NAALADL2: variants seen among roughly 807,000 people sequenced by gnomAD.
NAALADL2 encodes the protein N-acetylated alpha-linked acidic dipeptidase like 2, also known as inactive N-acetylated-alpha-linked acidic dipeptidase-like protein 2.
A neutral mutation model predicts 87.2 loss-of-function variants in NAALADL2; 76 were observed. That is an observed-to-expected ratio of 0.87 (90% confidence interval 0.72 to 1.05). The LOEUF is 1.05. Ranked by LOEUF, NAALADL2 falls within the 50% of genes least tolerant of loss-of-function variation. The pLI, the probability that NAALADL2 is intolerant of heterozygous loss-of-function variation, is 0.00. For synonymous variants in NAALADL2, 354 were observed against 331.0 expected (o/e 1.07, Z -0.75); for missense variants, 1,089 against 945.8 (o/e 1.15, Z -1.99).
chr3:174,921,333 A>G (rs1735153887), intron 1 of NAALADL2, among the ~76,000 whole-genome samples: 1 of 152,208 alleles, frequency 6.6e-6, no homozygotes, highest in Non-Finnish European at 1.5e-5. Flanking sequence ...TTACAACTAA[A>G]TCACTTAAAT....
At chr3:175,788,147 C>T (rs981674188) in intron 13 of NAALADL2, among the ~76,000 whole-genome samples, 3 of 141,322 alleles carry the variant, frequency 2.1e-5, no homozygotes, top group African/African-American at 5.4e-5. Context: ...GGCAGGAGTG[C>T]AAGTGGTATG....
chr3:174,451,866 T>G (rs1227041194), intron 1 of NAALADL2, among the ~76,000 whole-genome samples: 1 of 145,972 alleles, frequency 6.9e-6, no homozygotes, highest in Non-Finnish European at 1.5e-5. Flanking sequence ...TTTTTTTTTT[T>G]TTTTTTGAGT....
chr3:175,200,525 C>T (rs527317527), intron 2 of NAALADL2, among the ~76,000 whole-genome samples: 12 of 152,186 alleles, frequency 7.9e-5, no homozygotes, highest in South Asian at 2.1e-4. Context: ...GTTTCTAAAA[C>T]GCTCAATGTA....
intron 10 of NAALADL2, among the ~76,000 whole-genome samples, chr3:175,625,221 T>C: frequency 6.6e-6 from 1 of 152,030 alleles, no homozygotes; most frequent in Middle Eastern, 3.2e-3. Context: ...GTTACAGTTC[T>C]ATTTAAACTC....
chr3:174,944,621 T>C (rs1739132939), intron 1 of NAALADL2, among the ~76,000 whole-genome samples: 1 of 152,162 alleles, frequency 6.6e-6, no homozygotes, highest in Admixed American at 6.5e-5. Flanking sequence ...TGGTTGCAGA[T>C]TCTTTTGCCA....
At chr3:174,954,838 A>T (rs948588598) in intron 1 of NAALADL2, among the ~76,000 whole-genome samples, 1 of 152,104 alleles carries the variant, frequency 6.6e-6, no homozygotes, top group Non-Finnish European at 1.5e-5. Context: ...AGAGAAGTTC[A>T]TAAAACATTC....
At chr3:175,671,084 G>A (rs767654535) in intron 11 of NAALADL2, among the ~76,000 whole-genome samples, 1 of 151,372 alleles carries the variant, frequency 6.6e-6, no homozygotes, top group Non-Finnish European at 1.5e-5. Flanking sequence ...TCTCTCAAAG[G>A]ATACATTATT....
At chr3:175,738,601 C>T (rs1474226602) in intron 12 of NAALADL2, among the ~76,000 whole-genome samples, 1 of 152,128 alleles carries the variant, frequency 6.6e-6, no homozygotes, top group East Asian at 1.9e-4. Context: ...AGAGATTACT[C>T]CATTTTTCCC....
chr3:174,787,598 T>TATATATATATATATATACACAC (rs1716904000), intron 3 of NAALADL2, among the ~76,000 whole-genome samples: 4 of 60,176 alleles, frequency 6.6e-5, no homozygotes, highest in African/African-American at 1.2e-4. Context: ...TATATATATA[T>TATATATATATATATATACACAC]ATATATATAT....
intron 2 of NAALADL2, among the ~76,000 whole-genome samples, chr3:175,225,863 C>T (rs1581007554): frequency 6.6e-6 from 1 of 152,090 alleles, no homozygotes; most frequent in Middle Eastern, 3.4e-3. Flanking sequence ...TCACTGTTAA[C>T]CAGAGATGAA....
At chr3:174,960,888 T>C (rs1373731780) in intron 1 of NAALADL2, among the ~76,000 whole-genome samples, 3 of 151,512 alleles carry the variant, frequency 2.0e-5, no homozygotes, top group Non-Finnish European at 2.9e-5. Context: ...CACAAAAAAA[T>C]TTGCTGTGTG....
chr3:175,543,073 A>G (rs1286374215), intron 9 of NAALADL2, among the ~76,000 whole-genome samples: 1 of 152,180 alleles, frequency 6.6e-6, no homozygotes, highest in Non-Finnish European at 1.5e-5. Context: ...AATTTTATCC[A>G]GTTTCTATGA....
chr3:175,406,728 C>T (rs1450559954), intron 5 of NAALADL2, among the ~76,000 whole-genome samples: 1 of 151,864 alleles, frequency 6.6e-6, no homozygotes, highest in East Asian at 1.9e-4. Flanking sequence ...GCCTCTTTGT[C>T]TTTTATTTTT....
chr3:175,021,489 A>T (rs1751558141), intron 1 of NAALADL2, among the ~76,000 whole-genome samples: 1 of 152,110 alleles, frequency 6.6e-6, no homozygotes, highest in Non-Finnish European at 1.5e-5. Flanking sequence ...CACCCATAGT[A>T]TGAAAAATCA....
intron 2 of NAALADL2, among the ~76,000 whole-genome samples, chr3:175,209,593 T>C (rs1245238299): frequency 5.9e-5 from 9 of 152,050 alleles, no homozygotes; most frequent in African/African-American, 9.7e-5. Context: ...CTTGTACATG[T>C]CATTACATCA....
intron 1 of NAALADL2, among the ~76,000 whole-genome samples, chr3:174,528,194 A>G (rs1220914972): frequency 6.6e-6 from 1 of 152,158 alleles, no homozygotes; most frequent in Non-Finnish European, 1.5e-5. Flanking sequence ...TCTCCTCTAG[A>G]TTTAATCAAA....
At chr3:174,767,456 G>A (rs1249667391) in intron 3 of NAALADL2, among the ~76,000 whole-genome samples, 3 of 152,032 alleles carry the variant, frequency 2.0e-5, no homozygotes, top group East Asian at 1.9e-4. Context: ...TTCATGTTCC[G>A]AGGAGAATTT....
chr3:175,555,232 T>C (rs758355637), intron 9 of NAALADL2, among the ~76,000 whole-genome samples: 3 of 152,196 alleles, frequency 2.0e-5, no homozygotes, highest in South Asian at 2.1e-4. Context: ...CCACACTTAA[T>C]TGACAAAGTG....
intron 10 of NAALADL2, among the ~76,000 whole-genome samples, chr3:175,579,048 A>G (rs551682594): frequency 3.9e-5 from 6 of 152,334 alleles, no homozygotes; most frequent in Non-Finnish European, 5.9e-5. Flanking sequence ...TCACTTTAGT[A>G]AAAGAGTTAA....
Sources: allele counts gnomAD v4.1 joint callset (sites outside exome capture counted in the v4.1 genomes callset), GRCh38; gene constraint gnomAD v4.1.1; transcripts MANE v1.5; gene names NCBI Gene and HGNC (gene_info 2026-07-23, HGNC 2026-07-21).